RASL12: variants seen among roughly 807,000 people sequenced by gnomAD.
The protein encoded by RASL12 is RAS like family 12, also known as ras-like protein family member 12.
Under a neutral mutation model 22.9 loss-of-function variants are expected in RASL12, and 16 were observed. The ratio of observed to expected loss-of-function variants is 0.70; its 90% CI spans 0.47 to 1.06. The LOEUF is 1.06. RASL12 is among the 50% of genes least tolerant of loss of function. The pLI, the probability that RASL12 is intolerant of heterozygous loss-of-function variation, is 0.00. For synonymous variants in RASL12, 159 were observed against 152.2 expected (o/e 1.04, Z -0.33); for missense variants, 306 against 353.1 (o/e 0.87, Z 1.07).
upstream of RASL12, among the ~76,000 whole-genome samples, chr15:65,069,504 G>A (rs889119661): frequency 3.3e-5 from 5 of 152,184 alleles, no homozygotes; most frequent in African/African-American, 4.8e-5. Flanking sequence ...GGGCCTGCAC[G>A]GGCCCAACTG....
At position 65,054,885 on chromosome 15, in the gene RASL12, C is replaced by A. The variant is rs773814900; in HGVS notation, c.*14G>T. 1 of 1,600,922 alleles carries A rather than the reference C, an allele frequency of 6.2e-7. No individual in the cohort carries two copies. Among genetic ancestry groups the A allele is most frequent in the Non-Finnish European group, 8.5e-7 (1 of 1,171,412 alleles). ...TGTCCAGCCACCGAGCCTAGGCTTC[C>A]TGGGGAGGGGGCCTCAGAAGATCTT... On this transcript the variant is annotated 3_prime_UTR_variant, in exon 5 of 5. Transcript: ENST00000220062.
Position 65,055,232 on chromosome 15 carries a change from A to C in RASL12, c.468T>G (p.Phe156Leu). 1.2e-6 allele frequency: 2 copies of C among 1,602,416 alleles called. No homozygotes were observed. The highest frequency in any genetic ancestry group is 2.2e-5 in the East Asian group (1 of 44,766). Residue 156 changes from phenylalanine (F) to leucine (L), a missense_variant, in exon 5 of 5, where the codon TTT becomes TTG. Phe to Leu is a conservative substitution (Grantham distance 22). Transcript: ENST00000220062. ...KAEGVALAGR[F>L]GCLFFEVSAC... ...CAGAGACCTCGAAAAACAGGCACCC[A>C]AACCTGCCTGCCAAAGCCACACCCT...
intron 2 of RASL12, 67 bp from the exon 3 acceptor site, chr15:65,059,485 G>T: frequency 7.8e-7 from 1 of 1,279,936 alleles, no homozygotes; most frequent in Non-Finnish European, 1.1e-6. Flanking sequence ...TTCCCTCTGT[G>T]CTAGACCCCT....
At chr15:65,072,056 G>A (rs949879718), upstream of RASL12, among the ~76,000 whole-genome samples, 12 of 152,188 alleles carry the variant, frequency 7.9e-5, no homozygotes, top group Non-Finnish European at 1.5e-5. Flanking sequence ...ACACAGTCAA[G>A]ACCCAGCACT....
At chr15:65,072,474 G>T (rs977850038), upstream of RASL12, among the ~76,000 whole-genome samples, 3 of 152,114 alleles carry the variant, frequency 2.0e-5, no homozygotes, top group African/African-American at 7.2e-5. Context: ...CCTTCTACTT[G>T]GTCATTGTGA....
chr15:65,052,935 C>A (rs1275995554), downstream of RASL12: 9 of 1,459,722 alleles, frequency 6.2e-6, no homozygotes, highest in Non-Finnish European at 8.5e-6. Context: ...CACTCAGCCC[C>A]CCTCATTAAC....
chr15:65,057,729 G>C (rs1421161062), intron 4 of RASL12, among the ~76,000 whole-genome samples: 1 of 152,104 alleles, frequency 6.6e-6, no homozygotes, highest in African/African-American at 2.4e-5. Context: ...CCTGACCAAG[G>C]AGCCCATCAG....
At chr15:65,067,616 G>T in intron 1 of RASL12, 117 bp downstream of exon 1, 1 of 1,239,948 alleles carries the variant, frequency 8.1e-7, no homozygotes, top group Non-Finnish European at 1.1e-6. Context: ...CGACCCTCCT[G>T]GGTGAAGGAA....
chr15:65,073,081 C>T (rs1039687837), intron 1 of RASL12, among the ~76,000 whole-genome samples: 50 of 152,136 alleles, frequency 3.3e-4, no homozygotes, highest in Admixed American at 3.0e-3. Flanking sequence ...CCCAAACCAA[C>T]GAACCAAACA....
the RASL12 span, among the ~76,000 whole-genome samples, chr15:65,047,801 A>ATAGATAGC: frequency 1.6e-5 from 1 of 60,988 alleles, no homozygotes; most frequent in African/African-American, 5.3e-5. Flanking sequence ...TAGATGATAG[A>ATAGATAGC]TAGATAGATA....
downstream of RASL12, chr15:65,049,835 G>T (rs2086625872): frequency 4.9e-4 from 210 of 430,512 alleles, no homozygotes; most frequent in Middle Eastern, 6.3e-4. Flanking sequence ...ATCTGGATTT[G>T]GGCACAGAGG....
At chr15:65,064,911 T>C (rs2086857714) in intron 2 of RASL12, among the ~76,000 whole-genome samples, 1 of 152,202 alleles carries the variant, frequency 6.6e-6, no homozygotes, top group African/African-American at 2.4e-5. Context: ...AATACCTGTT[T>C]GGATGTGGAT....
chr15:65,075,086 T>C (rs2086956168), intron 1 of RASL12, among the ~76,000 whole-genome samples: 7 of 152,158 alleles, frequency 4.6e-5, no homozygotes, highest in Admixed American at 4.6e-4. Flanking sequence ...GAGTTCCAGG[T>C]GGGCGTGGGC....
At chr15:65,056,900 C>T (rs909181443) in intron 4 of RASL12, among the ~76,000 whole-genome samples, 1 of 152,164 alleles carries the variant, frequency 6.6e-6, no homozygotes, top group South Asian at 2.1e-4. Flanking sequence ...TTGTTATTTG[C>T]TCCCAAACCA....
downstream of RASL12, among the ~76,000 whole-genome samples, chr15:65,050,825 TTC>T (rs1437106795): frequency 2.1e-4 from 16 of 77,018 alleles, 1 homozygote; most frequent in African/African-American, 5.7e-4. Flanking sequence ...TTTTTCTTTC[TTC>T]TTCTTCTTCT....
intron 1 of RASL12, among the ~76,000 whole-genome samples, chr15:65,075,110 C>T (rs576161156): frequency 1.1e-4 from 16 of 152,356 alleles, no homozygotes; most frequent in African/African-American, 3.8e-4. Flanking sequence ...GCGGGCCCCG[C>T]ACTCGGAGCA....
rs563089695 is a variant in RASL12 at position 65,063,889 on chromosome 15, G to C, written c.160+1328C>G. Among the ~76,000 whole-genome samples the C allele has an allele frequency of 1.4e-3, 207 of 152,308 alleles. 1 individual carries two copies. The highest frequency in any genetic ancestry group is 1.7e-3 in the Non-Finnish European group (115 of 68,028). On this transcript the variant is annotated intron_variant, in intron 2 of 4. Coordinates refer to ENST00000220062, the MANE Select transcript of RASL12 (RefSeq NM_016563.4). ...AGGTGCGGCAGGAGCGCTGGATCAGGGGCCTGCTGCAGGGAGCGCAGGGGG... is the reference window on the plus strand; with the variant it reads ...AGGTGCGGCAGGAGCGCTGGATCAGCGGCCTGCTGCAGGGAGCGCAGGGGG...
intron 2 of RASL12, among the ~76,000 whole-genome samples, chr15:65,060,592 T>C (rs978239750): frequency 2.0e-5 from 3 of 152,186 alleles, no homozygotes; most frequent in Non-Finnish European, 2.9e-5. Context: ...TGGCAGTCAT[T>C]CTCTGCACCC....
chr15:65,069,690 G>C (rs762522917), upstream of RASL12, among the ~76,000 whole-genome samples: 36 of 152,346 alleles, frequency 2.4e-4, no homozygotes, highest in Non-Finnish European at 5.0e-4. Flanking sequence ...ATAGTTAGAA[G>C]GGACTGTCTT....
Sources: allele counts gnomAD v4.1 joint callset (sites outside exome capture counted in the v4.1 genomes callset), GRCh38; gene constraint gnomAD v4.1.1; transcripts MANE v1.5; gene names NCBI Gene and HGNC (gene_info 2026-07-23, HGNC 2026-07-21).